ZFAND4: variants seen among roughly 807,000 people sequenced by gnomAD.
ZFAND4 encodes AN1-type zinc finger protein 4.
A neutral mutation model predicts 64.4 loss-of-function variants in ZFAND4; 43 were observed. The observed-to-expected ratio is 0.67, with a 90% CI of 0.52 to 0.86. The LOEUF is 0.86. Ranked by LOEUF, ZFAND4 falls within the 40% of genes least tolerant of loss-of-function variation. The pLI, the probability that ZFAND4 is intolerant of heterozygous loss-of-function variation, is 0.00. For synonymous variants in ZFAND4, 296 were observed against 305.7 expected (o/e 0.97, Z 0.33); for missense variants, 929 against 859.8 (o/e 1.08, Z -1.01).
intron 1 of ZFAND4, among the ~76,000 whole-genome samples, chr10:45,671,051 T>C (rs1157821675): frequency 6.6e-6 from 1 of 152,180 alleles, no homozygotes; most frequent in Non-Finnish European, 1.5e-5. Flanking sequence ...AAAGAAGATA[T>C]TTATGCAGCC....
chr10:45,638,211 C>T (rs373702254), intron 6 of ZFAND4, among the ~76,000 whole-genome samples: 4 of 150,358 alleles, frequency 2.7e-5, no homozygotes, highest in South Asian at 4.2e-4. Context: ...TGGCCGGGCG[C>T]GGTGGCTCAT....
At chr10:45,661,354 C>T (rs1267458649) in intron 2 of ZFAND4, among the ~76,000 whole-genome samples, 1 of 152,152 alleles carries the variant, frequency 6.6e-6, no homozygotes, top group Non-Finnish European at 1.5e-5. Flanking sequence ...CTGCTCCTCC[C>T]TTGCTGCAGC....
intron 2 of ZFAND4, among the ~76,000 whole-genome samples, chr10:45,660,848 C>T (rs894223631): frequency 6.6e-6 from 1 of 152,090 alleles, no homozygotes; most frequent in Admixed American, 6.5e-5. Context: ...AGGAGAAATA[C>T]TTTTTCAGAC....
intron 8 of ZFAND4, among the ~76,000 whole-genome samples, chr10:45,618,513 T>C (rs1285674220): frequency 6.6e-6 from 1 of 152,202 alleles, no homozygotes; most frequent in East Asian, 1.9e-4. Flanking sequence ...CACACCACTT[T>C]CCTCATTATT....
intron 5 of ZFAND4, 115 bp downstream of exon 5, chr10:45,648,179 A>G: frequency 1.9e-6 from 2 of 1,056,238 alleles, no homozygotes; most frequent in Non-Finnish European, 2.6e-6. Context: ...CAATTATACG[A>G]AGGACAATTT....
intron 6 of ZFAND4, among the ~76,000 whole-genome samples, chr10:45,633,162 GAAT>G (rs1308840186): frequency 4.8e-5 from 7 of 146,524 alleles, no homozygotes; most frequent in African/African-American, 1.8e-4. Context: ...AGAAACCTAT[GAAT>G]AATAGACCTT....
At chr10:45,621,437 A>C (rs1169742551) in intron 8 of ZFAND4, among the ~76,000 whole-genome samples, 1 of 150,664 alleles carries the variant, frequency 6.6e-6, no homozygotes, top group African/African-American at 2.4e-5. Flanking sequence ...AAAAAAAAAA[A>C]GGACAGAAGA....
intron 5 of ZFAND4, among the ~76,000 whole-genome samples, chr10:45,645,328 A>G (rs1038414052): frequency 2.0e-5 from 3 of 152,176 alleles, no homozygotes; most frequent in African/African-American, 7.2e-5. Context: ...CAGGTATTTC[A>G]TGGTAAATAT....
At chr10:45,624,451 G>T in intron 8 of ZFAND4, 132 bp downstream of exon 8, 2 of 691,190 alleles carry the variant, frequency 2.9e-6, no homozygotes, top group Non-Finnish European at 4.8e-6. Flanking sequence ...ATTGGAAAAA[G>T]CATTTAGAGA....
intron 6 of ZFAND4, among the ~76,000 whole-genome samples, chr10:45,638,760 T>C (rs78230012): frequency 0.06 from 9,109 of 152,178 alleles, 394 homozygotes; most frequent in African/African-American, 0.12. Flanking sequence ...CACAGTACAA[T>C]AGTACACAAC....
At chr10:45,645,449 G>GT (rs975335721) in intron 5 of ZFAND4, among the ~76,000 whole-genome samples, 8 of 151,890 alleles carry the variant, frequency 5.3e-5, no homozygotes, top group East Asian at 3.9e-4. Flanking sequence ...GTTTTATTAT[G>GT]TTTTTTTTAG....
In ZFAND4 at chr10:45,672,580, A is replaced by T. The variant is rs752150506; in HGVS notation, c.-448T>A. 4 of 151,928 alleles carry T rather than the reference A, an allele frequency of 2.6e-5. No homozygotes were observed. Among genetic ancestry groups the T allele is most frequent in the Non-Finnish European group, 5.9e-5 (4 of 67,990 alleles). The allele number at this position is 151,928 out of a possible 1,614,324, so 9.4% of individuals were successfully genotyped here. A position where few individuals can be genotyped will look rare whatever the true frequency, so the allele number is the denominator to read the frequency against. Reference sequence around the variant, plus strand: ...GCCCGCGCCACTCCGGCCTTGCGCCATTCCGGCCCCACGACGGCCGGCGGC... The same window carrying T: ...GCCCGCGCCACTCCGGCCTTGCGCCTTTCCGGCCCCACGACGGCCGGCGGC... On this transcript the variant is annotated 5_prime_UTR_variant, in exon 1 of 10. An upstream start codon of the reference 5' UTR is lost. Coordinates refer to ENST00000344646, the MANE Select transcript of ZFAND4 (RefSeq NM_174890.4).
intron 1 of ZFAND4, among the ~76,000 whole-genome samples, chr10:45,668,691 A>G (rs1044366439): frequency 6.6e-6 from 1 of 152,220 alleles, no homozygotes; most frequent in Admixed American, 6.5e-5. Context: ...AAATCACAAC[A>G]AACTGTCTCT....
chr10:45,666,352 C>G (rs1232294419), intron 1 of ZFAND4, among the ~76,000 whole-genome samples: 2 of 152,128 alleles, frequency 1.3e-5, no homozygotes, highest in African/African-American at 4.8e-5. Flanking sequence ...TGCATACATT[C>G]TTTGGAGAAA....
chr10:45,618,132 C>T lies in ZFAND4; in HGVS notation c.2048+8G>A, dbSNP rs761177144. 6.2e-7 allele frequency: 1 copy of T among 1,603,822 alleles called. No individual in the cohort carries two copies. Among genetic ancestry groups the T allele is most frequent in the Admixed American group, 1.8e-5 (1 of 56,856 alleles). On this transcript the variant is annotated splice_region_variant and intron_variant, in intron 9 of 9. Coordinates refer to ENST00000344646, the MANE Select transcript of ZFAND4 (RefSeq NM_174890.4). ...AAGCATCTGAGCTTCTCCAGCTCGCCAACCTGCCTGCATTCGTAGCTACTA... is the reference window on the plus strand; with the variant it reads ...AAGCATCTGAGCTTCTCCAGCTCGCTAACCTGCCTGCATTCGTAGCTACTA...
At chr10:45,665,492 G>C (rs1467244750) in intron 1 of ZFAND4, among the ~76,000 whole-genome samples, 1 of 152,046 alleles carries the variant, frequency 6.6e-6, no homozygotes, top group Admixed American at 6.6e-5. Flanking sequence ...AGTGAGCCAA[G>C]ATTGCACCAC....
intron 9 of ZFAND4, among the ~76,000 whole-genome samples, chr10:45,617,189 C>T (rs2045041378): frequency 1.3e-5 from 2 of 151,742 alleles, no homozygotes; most frequent in African/African-American, 4.8e-5. Flanking sequence ...CCTAGTAAAC[C>T]TAAAAGAATT....
At position 45,626,538 on chromosome 10, in the gene ZFAND4, T is replaced by C. The variant is rs775890506; in HGVS notation, c.1285A>G (p.Thr429Ala). The C allele has an allele frequency of 6.8e-6, 11 of 1,614,136 alleles. No individual in the cohort carries two copies. In the East Asian group the frequency reaches 2.5e-4, roughly 36 times the overall value. The change falls in exon 7 of 10, where the codon ACT becomes GCT. Residue 429 changes from threonine to alanine, a missense_variant. Physicochemically the swap from Thr to Ala is moderately conservative, Grantham distance 58 (BLOSUM62 0). Coordinates refer to ENST00000344646, the MANE Select transcript of ZFAND4 (RefSeq NM_174890.4). ...GCTTTCAACCCTTTGTCAGCATTAG[T>C]GAGTAGCAACTCCAGATTCACTTTG... is the stretch of plus-strand genomic sequence containing the variant. ...ACKVNLELLL[T>A]NADKGLKAPE...
intron 6 of ZFAND4, among the ~76,000 whole-genome samples, chr10:45,635,195 C>CAAAAAAAAAAAAAAAAACAAAAAAAAA (rs2046470789): frequency 3.6e-5 from 1 of 27,628 alleles, no homozygotes; most frequent in African/African-American, 1.7e-4. Flanking sequence ...GCCATCTAAG[C>CAAAAAAAAAAAAAAAAACAAAAAAAAA]AAAAAAAAAA....
Sources: allele counts gnomAD v4.1 joint callset (sites outside exome capture counted in the v4.1 genomes callset), GRCh38; gene constraint gnomAD v4.1.1; transcripts MANE v1.5; gene names NCBI Gene and HGNC (gene_info 2026-07-23, HGNC 2026-07-21).